The following LTN1 variants were observed in gnomAD, a reference collection of about 807,000 sequenced individuals.
The protein encoded by LTN1 is listerin E3 ubiquitin protein ligase 1, also known as E3 ubiquitin-protein ligase listerin.
A neutral mutation model predicts 201.2 loss-of-function variants in LTN1; 88 were observed. That is an observed-to-expected ratio of 0.44 (90% CI 0.37 to 0.52). The LOEUF is 0.52. LTN1 is among the 20% of genes least tolerant of loss of function. The pLI, the probability that LTN1 is intolerant of heterozygous loss-of-function variation, is 0.00. For synonymous variants in LTN1, 645 were observed against 713.5 expected, an observed-to-expected ratio of 0.90 and a Z score of 1.53; for missense variants, 1,752 against 2,038.7, an observed-to-expected ratio of 0.86 and a Z score of 2.71.
chr21:28,964,609 C>G, intron 11 of LTN1: 3 of 1,548,496 alleles, frequency 1.9e-6, no homozygotes, highest in Non-Finnish European at 2.6e-6. Flanking sequence ...ATGAACATAT[C>G]TAATGAAAGA....
chr21:28,967,051 A>C lies in LTN1; in HGVS notation c.1440T>G (p.Ala480=). ...KADTEKDEKT[A]HNLENVLIHF... ...GTATCAGTACGTTCTCCAAGTTGTG[A>C]GCTGTTTTTTCATCTTTTTCCGTGT... Residue 480 remains alanine, a synonymous_variant, in exon 10 of 30, where the codon GCT becomes GCG. Transcript: ENST00000361371. 6.2e-7 allele frequency: 1 copy of C among 1,614,020 alleles called. No homozygotes were observed. Among genetic ancestry groups the C allele is most frequent in the Non-Finnish European group, 8.5e-7 (1 of 1,179,992 alleles).
At chr21:28,940,072 G>C (rs1472817992) in intron 25 of LTN1, among the ~76,000 whole-genome samples, 1 of 152,336 alleles carries the variant, frequency 6.6e-6, no homozygotes, top group East Asian at 1.9e-4. Context: ...TGAATGCCAT[G>C]AATACTTAAT....
At chr21:28,983,212 G>A (rs936700234) in intron 4 of LTN1, among the ~76,000 whole-genome samples, 1 of 152,106 alleles carries the variant, frequency 6.6e-6, no homozygotes, top group African/African-American at 2.4e-5. Context: ...CCAACTAAAG[G>A]GAAAATAAAA....
intron 16 of LTN1, among the ~76,000 whole-genome samples, chr21:28,954,993 C>G (rs1419320217): frequency 6.6e-6 from 1 of 152,030 alleles, no homozygotes; most frequent in Non-Finnish European, 1.5e-5. Flanking sequence ...AGTGAAGAGA[C>G]AATCTGTAGA....
intron 3 of LTN1, 125 bp from the exon 4 acceptor site, chr21:28,985,047 AT>A (rs937709115): frequency 4.9e-5 from 28 of 576,784 alleles, no homozygotes; most frequent in Admixed American, 7.0e-5. Context: ...AACTGAAATC[AT>A]TTTTTTTAAA....
At chr21:28,930,557 C>T in intron 29 of LTN1, 47 bp from the exon 30 acceptor site, 5 of 1,214,160 alleles carry the variant, frequency 4.1e-6, no homozygotes, top group Non-Finnish European at 6.1e-6. Context: ...TTAAAGTTCT[C>T]CTCTAACATA....
chr21:28,986,161 C>A lies in LTN1; in HGVS notation c.323G>T (p.Arg108Ile). Residue 108 changes from arginine to isoleucine, a missense_variant, in exon 3 of 30, where the codon AGA becomes ATA. By Grantham distance (97) the Arg-to-Ile change is moderately conservative (BLOSUM62 -3). This residue lies in a region of LTN1 where 280 missense variants were observed against 375.7 expected (regional missense o/e 0.75). Coordinates refer to ENST00000361371, the MANE Select transcript of LTN1 (RefSeq NM_015565.3). This position sits in a 1 kb window ranked among gnomAD's most constrained non-coding sequence, Gnocchi z 4.1. ...TVKGVLPYWP[R>I]IFCKISLDHD... ...TACAAGTGAAATTTTGCAAAAAATT[C>A]TTGGCCAATATGGAAGAACTCCTTT... 6.2e-7 allele frequency: 1 copy of A among 1,611,928 alleles called. No homozygotes were observed. Among genetic ancestry groups the A allele is most frequent in the South Asian group, 1.1e-5 (1 of 91,044 alleles).
intron 5 of LTN1, 42 bp downstream of exon 5, chr21:28,982,274 A>T: frequency 6.5e-7 from 1 of 1,539,042 alleles, no homozygotes; most frequent in African/African-American, 1.4e-5. Context: ...TATGAGTGAA[A>T]CAAATCCTTA....
intron 11 of LTN1, among the ~76,000 whole-genome samples, chr21:28,963,487 G>A (rs547834655): frequency 3.3e-5 from 5 of 152,022 alleles, no homozygotes; most frequent in African/African-American, 1.2e-4. Flanking sequence ...TTGGAAAAAC[G>A]AAGGAAAAAA....
At chr21:28,966,232 T>G in intron 10 of LTN1, 138 bp downstream of exon 10, 1 of 737,668 alleles carries the variant, frequency 1.4e-6, no homozygotes, top group South Asian at 1.9e-5. Context: ...CCCTAGATAC[T>G]TCCCAAATCA....
chr21:28,959,697 T>A lies in LTN1; in HGVS notation c.2354A>T (p.Asp785Val). 11 of 1,590,896 alleles carry A rather than the reference T, an allele frequency of 6.9e-6. No homozygotes were observed. The highest frequency in any genetic ancestry group is 9.4e-6 in the Non-Finnish European group (11 of 1,170,804). Residue 785 changes from aspartate (D) to valine (V), a missense_variant and splice_region_variant, in exon 13 of 30, where the codon GAT (aspartate) becomes GTT (valine). Transcript: ENST00000361371. Reference protein sequence around the residue: ...SLVLSQHVKNDYLIGDVYVER... With the variant: ...SLVLSQHVKNVYLIGDVYVER... ...AACATATACGTCTCCAATCAAGTAA[T>A]CTGGAGAAAAAAAGGTTCAAACAGA...
chr21:28,937,760 T>C (rs909981232), intron 25 of LTN1, among the ~76,000 whole-genome samples: 1 of 152,136 alleles, frequency 6.6e-6, no homozygotes, highest in African/African-American at 2.4e-5. Context: ...TTTCAGATTT[T>C]CGGATCTGGG....
chr21:28,935,857 A>AAAAAT (rs2084252580), intron 26 of LTN1, among the ~76,000 whole-genome samples: 1 of 151,890 alleles, frequency 6.6e-6, no homozygotes, highest in African/African-American at 2.4e-5. Context: ...AAAAAAAAAA[A>AAAAAT]AGTGAAAATC....
intron 19 of LTN1, 100 bp from the exon 20 acceptor site, chr21:28,946,387 G>C: frequency 1.4e-6 from 1 of 735,612 alleles, no homozygotes; most frequent in East Asian, 3.0e-5. Context: ...TTCTTGAGAA[G>C]TGTTCAGGTT....
intron 1 of LTN1, among the ~76,000 whole-genome samples, chr21:28,991,008 G>A (rs111381428): frequency 6.6e-6 from 1 of 152,106 alleles, no homozygotes; most frequent in African/African-American, 2.4e-5. Context: ...GTGATGGCCT[G>A]TACCTGTAGT....
chr21:28,947,775 G>T (rs1601174284), intron 18 of LTN1, among the ~76,000 whole-genome samples, 169 bp from the exon 19 acceptor site: 1 of 151,144 alleles, frequency 6.6e-6, no homozygotes, highest in South Asian at 2.1e-4. Flanking sequence ...GATGAAATTG[G>T]TTTTTTTTGC....
chr21:28,974,144 C>T (rs1192495199), intron 6 of LTN1, among the ~76,000 whole-genome samples: 3 of 152,052 alleles, frequency 2.0e-5, no homozygotes, highest in African/African-American at 4.8e-5. Context: ...AAAAATAAGA[C>T]ATCAAAAAGC....
chr21:28,981,067 G>T, intron 6 of LTN1, 52 bp downstream of exon 6: 1 of 1,122,806 alleles, frequency 8.9e-7, no homozygotes, highest in Non-Finnish European at 1.2e-6. Context: ...AAACTAAGAA[G>T]ATGGGGGTAA....
At chr21:28,958,031 TAGCA>T (rs2084440995) in intron 14 of LTN1, among the ~76,000 whole-genome samples, 1 of 152,230 alleles carries the variant, frequency 6.6e-6, no homozygotes, top group Admixed American at 6.5e-5. Context: ...AGGTATGTTA[TAGCA>T]AATTATCCTT....
Sources: gnomAD v4.1 joint callset for allele counts (sites outside exome capture counted in the v4.1 genomes callset) on GRCh38, gnomAD v4.1.1 for gene constraint, gnomAD v4.1.1 regional missense constraint, Gnocchi (gnomAD v3.1) non-coding constraint, MANE v1.5 for transcripts, NCBI Gene and HGNC (gene_info 2026-07-23, HGNC 2026-07-21) for gene names.